The following GDF6 variants were observed in gnomAD, a reference collection of about 807,000 sequenced individuals.
GDF6 encodes the protein growth differentiation factor 6.
Under a neutral mutation model 32.4 loss-of-function variants are expected in GDF6, and 3 were observed. The observed-to-expected ratio is 0.09, with a 90% CI of 0.04 to 0.24. The LOEUF (loss-of-function observed/expected upper bound fraction) is 0.24, where lower values mean the gene tolerates loss of function less well. Among genes scored for constraint, GDF6 ranks in the 10% least tolerant of loss-of-function variants. The probability of loss-of-function intolerance (pLI) is 1.00; values close to 1 mark genes in which losing one functional copy is unlikely to be tolerated. For missense variants in GDF6, 589 were observed against 637.9 expected (o/e 0.92, Z 0.83); for synonymous variants, 296 against 295.3 (o/e 1.00, Z -0.03).
intron 1 of GDF6, among the ~76,000 whole-genome samples, chr8:96,152,584 C>T (rs753239946): frequency 1.3e-5 from 2 of 152,180 alleles, no homozygotes; most frequent in Non-Finnish European, 2.9e-5. Context: ...CAATGGAGGG[C>T]CCCTTGGGCT....
At chr8:96,160,251 G>C (rs761649932) in intron 1 of GDF6, 36 bp downstream of exon 1, 25 of 1,611,800 alleles carry the variant, frequency 1.6e-5, no homozygotes, top group Admixed American at 6.7e-5. Flanking sequence ...CCGAGCTCCA[G>C]CGGGAGGGGA....
rs1217467200 is a variant in GDF6 at position 96,142,664 on chromosome 8, C to T, written c.*1899G>A. The T allele has an allele frequency of 3.3e-5, 5 of 152,626 alleles. No homozygotes were observed. The highest frequency in any genetic ancestry group is 1.2e-4 in the African/African-American group (5 of 41,450). 9.5% of individuals were successfully genotyped at this position (152,626 alleles called of 1,614,324 possible). A position where few individuals can be genotyped will look rare whatever the true frequency, so the allele number is the denominator to read the frequency against. ...TTTGTACATTAGGATGAATTGCATG[C>T]TGTCCATTTCCTCTTTGCACTTTCA... On this transcript the variant is annotated 3_prime_UTR_variant, in exon 2 of 2. Transcript: ENST00000287020.
Position 96,144,330 on chromosome 8 carries a change from A to G in GDF6, c.*233T>C. On this transcript the variant is annotated 3_prime_UTR_variant, in exon 2 of 2. Coordinates refer to ENST00000287020, the MANE Select transcript of GDF6 (RefSeq NM_001001557.4). This position sits in a 1 kb window ranked among gnomAD's most constrained non-coding sequence, Gnocchi z 5.1. The stretch of plus-strand genomic sequence containing the variant: ...GAAATCCTCCTTGGCTTGTTTTTCC[A>G]GGGTGGCCAGGCAAGGTGTGAAAAT... The G allele has an allele frequency of 1.9e-6, 1 of 539,168 alleles. No homozygotes were observed. The highest frequency in any genetic ancestry group is 3.3e-6 in the Non-Finnish European group (1 of 300,254). 33.4% of individuals were successfully genotyped at this position (539,168 alleles called of 1,614,324 possible).
At chr8:96,155,216 G>A (rs1812639310) in intron 1 of GDF6, among the ~76,000 whole-genome samples, 1 of 152,262 alleles carries the variant, frequency 6.6e-6, no homozygotes, top group Non-Finnish European at 1.5e-5. Flanking sequence ...GTCCGTCTCA[G>A]ATTAGCCTCC....
rs904561372 is a variant in GDF6, at chr8:96,144,512, G to T, written c.*51C>A. 6.2e-7 allele frequency: 1 copy of T among 1,600,138 alleles called. No individual in the cohort carries two copies. The highest frequency in any genetic ancestry group is 1.3e-5 in the African/African-American group (1 of 74,820). ...TCTGCAGCCAGGCCTCCCCTGCAAG[G>T]CGGACCTTGGCCCACCTTGGTTCCG... On this transcript the variant is annotated 3_prime_UTR_variant, in exon 2 of 2. Transcript: ENST00000287020. This position sits in a 1 kb window ranked among gnomAD's most constrained non-coding sequence, Gnocchi z 5.1.
intron 1 of GDF6, among the ~76,000 whole-genome samples, chr8:96,159,512 T>C (rs1299650786): frequency 6.6e-6 from 1 of 152,084 alleles, no homozygotes; most frequent in Admixed American, 6.5e-5. Flanking sequence ...GAGAGGAACG[T>C]CGCCTGGCTG....
rs187768400 is a variant in GDF6 at position 96,153,143 on chromosome 8, G to A, written c.406+7144C>T. On this transcript the variant is annotated intron_variant, in intron 1 of 1. Coordinates refer to ENST00000287020, the MANE Select transcript of GDF6 (RefSeq NM_001001557.4). ...GCTGGCTGGGGAGAAGCCCTCTCCC[G>A]TGAGTGCTGCTCACCCTATCAGGAG... Among the ~76,000 whole-genome samples, 93 of 152,340 alleles carry A rather than the reference G, an allele frequency of 6.1e-4. 1 individual carries two copies. Among genetic ancestry groups the A allele is most frequent in the African/African-American group, 2.1e-3 (88 of 41,572 alleles).
rs75072306 is a variant in GDF6, at chr8:96,160,178, A to T, written c.406+109T>A. 6.3e-3 allele frequency: 6,821 copies of T among 1,084,066 alleles called. 298 individuals carry two copies. In the African/African-American group the frequency reaches 0.09, roughly 14 times the overall value. The allele number at this position is 1,084,066 out of a possible 1,614,324, so 67.2% of individuals were successfully genotyped here. On this transcript the variant is annotated intron_variant, in intron 1 of 1. Coordinates refer to ENST00000287020, the MANE Select transcript of GDF6 (RefSeq NM_001001557.4). ...AAACAATTTAAGAAAAGTAAAAAGG[A>T]AGTGTCCAGAGCAGGAAGGGAATTC...
rs1812475593 is a variant in GDF6, at chr8:96,145,753, T to G, written c.407-229A>C. On this transcript the variant is annotated intron_variant, in intron 1 of 1. Transcript: ENST00000287020. The surrounding 1 kb of genome is among the most constrained non-coding windows in gnomAD (Gnocchi z 5.6). ...CCTCCTTCGCGTCAGCTCCGGACTC[T>G]CAGGGCGGAAGTCGGTGGCTGCTGG... Among the ~76,000 whole-genome samples the G allele has an allele frequency of 6.6e-6, 1 of 152,056 alleles. No individual in the cohort carries two copies. The highest frequency in any genetic ancestry group is 2.1e-4 in the South Asian group (1 of 4,824).
rs112566589 is a variant in GDF6 at position 96,153,959 on chromosome 8, T to C, written c.406+6328A>G. ...GTGAGATTCGTGGGCCCTAGTCTAT[T>C]CCTAGTCAATTTCCCTCCACGCTGA... is the stretch of plus-strand genomic sequence containing the variant. On this transcript the variant is annotated intron_variant, in intron 1 of 1. Coordinates refer to ENST00000287020, the MANE Select transcript of GDF6 (RefSeq NM_001001557.4). Among the ~76,000 whole-genome samples, 495 of 152,288 alleles carry C rather than the reference T, an allele frequency of 3.3e-3. 2 individuals carry two copies. Among genetic ancestry groups the C allele is most frequent in the African/African-American group, 0.011 (473 of 41,552 alleles).
intron 1 of GDF6, among the ~76,000 whole-genome samples, chr8:96,150,465 G>A (rs1343978442): frequency 1.3e-5 from 2 of 152,258 alleles, no homozygotes; most frequent in African/African-American, 4.8e-5. Context: ...GCAGCATTGA[G>A]CGCTTGTAGG....
In GDF6 at chr8:96,154,374, C is replaced by T. The variant is rs185113675; in HGVS notation, c.406+5913G>A. Among the ~76,000 whole-genome samples, 202 of 152,358 alleles carry T rather than the reference C, an allele frequency of 1.3e-3. 2 individuals carry two copies. Among genetic ancestry groups the T allele is most frequent in the African/African-American group, 4.8e-3 (198 of 41,590 alleles). Reference sequence around the variant, plus strand: ...CCAAGTGGACCCAACCCTCAGTCCCCAGCAATGCTAATGGACTGTCTTAGA... The same window carrying T: ...CCAAGTGGACCCAACCCTCAGTCCCTAGCAATGCTAATGGACTGTCTTAGA... On this transcript the variant is annotated intron_variant, in intron 1 of 1. Coordinates refer to ENST00000287020, the MANE Select transcript of GDF6 (RefSeq NM_001001557.4).
Position 96,145,350 on chromosome 8 carries a change from G to A in GDF6, c.581C>T (p.Pro194Leu). ...CAGGGTCCGCGCGTCCAGCAGTAGGGGCGAAAGGCAAGGGAAGAGCTGCAC... is the reference window on the plus strand; with the variant it reads ...CAGGGTCCGCGCGTCCAGCAGTAGGAGCGAAAGGCAAGGGAAGAGCTGCAC... ...LHVQLFPCLS[P>L]LLLDARTLDP... The change falls in exon 2 of 2, where the codon CCC (proline) becomes CTC (leucine). Residue 194 changes from proline to leucine, a missense_variant. Pro to Leu is a moderately conservative substitution (Grantham distance 98). Transcript: ENST00000287020. The surrounding 1 kb of genome is among the most constrained non-coding windows in gnomAD (Gnocchi z 5.6). 1 of 1,548,584 alleles carries A rather than the reference G, an allele frequency of 6.5e-7. No individual in the cohort carries two copies. The highest frequency in any genetic ancestry group is 8.7e-7 in the Non-Finnish European group (1 of 1,153,892).
chr8:96,148,860 GA>G (rs1368334158), intron 1 of GDF6, among the ~76,000 whole-genome samples: 1 of 152,158 alleles, frequency 6.6e-6, no homozygotes, highest in African/African-American at 2.4e-5. Flanking sequence ...CCCCTAAACA[GA>G]AGGTCCAAGA....
intron 1 of GDF6, among the ~76,000 whole-genome samples, chr8:96,153,543 G>C (rs1199384318): frequency 6.6e-6 from 1 of 152,200 alleles, no homozygotes; most frequent in Non-Finnish European, 1.5e-5. Context: ...ACTGTCGACC[G>C]GTAAGTCACC....
At chr8:96,159,830 G>A (rs1812729604) in intron 1 of GDF6, among the ~76,000 whole-genome samples, 1 of 152,208 alleles carries the variant, frequency 6.6e-6, no homozygotes, top group African/African-American at 2.4e-5. Flanking sequence ...CCCTAGTGCC[G>A]GCTTTGCCCA....
chr8:96,145,541 A>T lies in GDF6; in HGVS notation c.407-17T>A. 1 of 1,597,602 alleles carries T rather than the reference A, an allele frequency of 6.3e-7. No homozygotes were observed. The highest frequency in any genetic ancestry group is 8.5e-7 in the Non-Finnish European group (1 of 1,179,584). ...AGAGATCGTCTGCGAGATAAAAAAT[A>T]ATTACAGTCAGTTTCACTTAAGGGG... On this transcript the variant is annotated splice_polypyrimidine_tract_variant and intron_variant, in intron 1 of 1. Transcript: ENST00000287020. The surrounding 1 kb of genome is among the most constrained non-coding windows in gnomAD (Gnocchi z 5.6).
chr8:96,148,326 TG>T (rs1812516472), intron 1 of GDF6, among the ~76,000 whole-genome samples: 1 of 152,174 alleles, frequency 6.6e-6, no homozygotes, highest in Non-Finnish European at 1.5e-5. Context: ...GATCTACCTT[TG>T]GGGGAACTGA....
At chr8:96,152,537 G>A (rs1261450623) in intron 1 of GDF6, among the ~76,000 whole-genome samples, 1 of 152,196 alleles carries the variant, frequency 6.6e-6, no homozygotes, top group African/African-American at 2.4e-5. Flanking sequence ...GATCTTCACT[G>A]TGCAAAGGGC....
Sources: allele counts gnomAD v4.1 joint callset (sites outside exome capture counted in the v4.1 genomes callset), GRCh38; gene constraint gnomAD v4.1.1; non-coding constraint Gnocchi (gnomAD v3.1); transcripts MANE v1.5; gene names NCBI Gene and HGNC (gene_info 2026-07-23, HGNC 2026-07-21).